ZDBF2: variants seen among roughly 807,000 people sequenced by gnomAD.
ZDBF2 encodes zinc finger DBF-type containing 2, also known as DBF4-type zinc finger-containing protein 2.
ZDBF2 carries 6 observed loss-of-function variants against 9.4 expected under a neutral mutation model. The observed-to-expected ratio is 0.64, with a 90% CI of 0.35 to 1.27. The LOEUF (loss-of-function observed/expected upper bound fraction) is 1.27. ZDBF2 is among the 50% of genes most tolerant of loss of function. ZDBF2 has a pLI of 0.03. For missense variants in ZDBF2, 2,697 were observed against 2,766.8 expected, an observed-to-expected ratio of 0.97 and a Z score of 0.57; for synonymous variants, 905 against 946.3, an observed-to-expected ratio of 0.96 and a Z score of 0.80.
intron 2 of ZDBF2, among the ~76,000 whole-genome samples, chr2:206,281,437 A>G (rs1691312236): frequency 6.6e-6 from 1 of 152,230 alleles, no homozygotes; most frequent in Non-Finnish European, 1.5e-5. Context: ...TGATGGGGAA[A>G]TTAATGAGCT....
At chr2:206,293,789 G>A (rs1423750797) in intron 3 of ZDBF2, among the ~76,000 whole-genome samples, 3 of 152,152 alleles carry the variant, frequency 2.0e-5, no homozygotes, top group Admixed American at 6.5e-5. Flanking sequence ...GAATACTGCT[G>A]GTAGGGAATA....
chr2:206,310,520 A>T lies in ZDBF2; in HGVS notation c.5992A>T (p.Lys1998Ter). 1 of 1,613,358 alleles carries T rather than the reference A, an allele frequency of 6.2e-7. No homozygotes were observed. The highest frequency in any genetic ancestry group is 1.7e-4 in the Middle Eastern group (1 of 6,060). Residue 1998 changes from lysine to a stop codon, truncating the protein, a stop_gained, in exon 5 of 5, where the codon AAA (lysine) becomes TAA (stop). Coordinates refer to ENST00000374423, the MANE Select transcript of ZDBF2 (RefSeq NM_020923.3). LOFTEE classifies it low-confidence loss of function (END_TRUNC). ...GTVEFPASCTKVLKPMQPKAL... is the reference protein window; with the variant it reads ...GTVEFPASCT Reference sequence around the variant, plus strand: ...AGTTGAATTTCCTGCATCATGTACTAAAGTTTTGAAGCCTATGCAACCCAA... The same window carrying T: ...AGTTGAATTTCCTGCATCATGTACTTAAGTTTTGAAGCCTATGCAACCCAA...
Position 206,310,767 on chromosome 2 carries a change from A to C in ZDBF2, c.6239A>C (p.Lys2080Thr), listed in dbSNP as rs1199569248. The change falls in exon 5 of 5, where the codon AAA becomes ACA. Residue 2080 changes from lysine to threonine, a missense_variant. Physicochemically the swap from Lys to Thr is moderately conservative, Grantham distance 78 (BLOSUM62 -1). Coordinates refer to ENST00000374423, the MANE Select transcript of ZDBF2 (RefSeq NM_020923.3). ...VPEFERRNWV[K>T]IHFNRSNQNS... The stretch of plus-strand genomic sequence containing the variant: ...GAGTTTGAGAGGCGTAACTGGGTTA[A>C]AATTCATTTTAATAGGAGCAACCAA... The C allele has an allele frequency of 6.2e-7, 1 of 1,613,974 alleles. No individual in the cohort carries two copies. Among genetic ancestry groups the C allele is most frequent in the Non-Finnish European group, 8.5e-7 (1 of 1,179,896 alleles).
At position 206,312,731 on chromosome 2, in the gene ZDBF2, A is replaced by G. The variant is rs1169782201; in HGVS notation, c.*1138A>G. The G allele has an allele frequency of 6.6e-6, 1 of 152,174 alleles. No homozygotes were observed. Among genetic ancestry groups the G allele is most frequent in the Non-Finnish European group, 1.5e-5 (1 of 68,014 alleles). The allele number at this position is 152,174 out of a possible 1,614,324, so 9.4% of individuals were successfully genotyped here. A position where few individuals can be genotyped will look rare whatever the true frequency, so the allele number is the denominator to read the frequency against. Reference sequence around the variant, plus strand: ...GCCCAGCCTACCATATCAGTTTTTAATAACTTGAACTGAAATTATTGGCTT... The same window carrying G: ...GCCCAGCCTACCATATCAGTTTTTAGTAACTTGAACTGAAATTATTGGCTT... On this transcript the variant is annotated 3_prime_UTR_variant, in exon 5 of 5. Transcript: ENST00000374423.
At chr2:206,285,821 T>TG (rs1691571881) in intron 3 of ZDBF2, among the ~76,000 whole-genome samples, 1 of 152,202 alleles carries the variant, frequency 6.6e-6, no homozygotes, top group Admixed American at 6.5e-5. Context: ...AGTTGATTTT[T>TG]GTGTATGGTG....
At chr2:206,285,964 C>T (rs1691579906) in intron 3 of ZDBF2, among the ~76,000 whole-genome samples, 1 of 152,164 alleles carries the variant, frequency 6.6e-6, no homozygotes, top group Non-Finnish European at 1.5e-5. Context: ...GCTGCAAATA[C>T]ATAGATTTAT....
chr2:206,289,822 G>T (rs184221499), intron 3 of ZDBF2, among the ~76,000 whole-genome samples: 121 of 152,236 alleles, frequency 7.9e-4, no homozygotes, highest in African/African-American at 2.8e-3. Flanking sequence ...TGGTTGTTGG[G>T]ATCCTCTTGC....
In ZDBF2 at chr2:206,299,413, G is replaced by A. The variant is rs180714410; in HGVS notation, c.188+2040G>A. 5.9e-3 allele frequency among the ~76,000 whole-genome samples: 897 copies of A among 151,610 alleles called. 7 individuals carry two copies. The highest frequency in any genetic ancestry group is 0.014 in the Middle Eastern group (4 of 294). ...GGGCCAGGTGCGGTGGCTCACGCCT[G>A]TAATCCCAGCACTTTGGGAGGCCAA... On this transcript the variant is annotated intron_variant, in intron 4 of 4. Transcript: ENST00000374423.
intron 4 of ZDBF2, among the ~76,000 whole-genome samples, chr2:206,301,391 C>T (rs1348274150): frequency 4.6e-5 from 7 of 151,256 alleles, no homozygotes; most frequent in Non-Finnish European, 8.9e-5. Flanking sequence ...ATGCCTTTTT[C>T]TTCATGCCTT....
In ZDBF2 at chr2:206,311,279, A is replaced by G. The variant is rs777829318; in HGVS notation, c.6751A>G (p.Lys2251Glu). The G allele has an allele frequency of 2.5e-6, 4 of 1,609,300 alleles. No individual in the cohort carries two copies. The African/African-American group carries it at 4.0e-5, about 16-fold the overall frequency. ...CGCTTTTCTTGGAAGGTATCTGAAG[A>G]AGAAAAAATCTGTTGTCAGTAGGCT... ...RSAFLGRYLK[K>E]KKSVVSRLKK... Residue 2251 changes from lysine (K) to glutamate (E), a missense_variant, in exon 5 of 5, where the codon AAG (lysine) becomes GAG (glutamate). This residue lies in a region of ZDBF2 where 1,783 missense variants were observed against 1,776.5 expected (regional missense o/e 1.00). Coordinates refer to ENST00000374423, the MANE Select transcript of ZDBF2 (RefSeq NM_020923.3).
chr2:206,306,416 G>GTC lies in ZDBF2; in HGVS notation c.1891_1892dup (p.Leu632HisfsTer16). On this transcript the variant is annotated frameshift_variant, in exon 5 of 5. Transcript: ENST00000374423. LOFTEE classifies it low-confidence loss of function (END_TRUNC). ...TGCTAAAGCACATCTTGATTGTGAT[G>GTC]TCTCACTTGGGACAGTTGCAGATGA... 6.2e-7 allele frequency: 1 copy of GTC among 1,613,836 alleles called. No individual in the cohort carries two copies. The highest frequency in any genetic ancestry group is 2.2e-5 in the East Asian group (1 of 44,876).
intron 3 of ZDBF2, among the ~76,000 whole-genome samples, chr2:206,290,475 C>G (rs1691830898): frequency 6.6e-6 from 1 of 152,202 alleles, no homozygotes; most frequent in Admixed American, 6.5e-5. Flanking sequence ...TCTTCCAATC[C>G]ATGAATAGAG....
Position 206,309,841 on chromosome 2 carries a change from C to G in ZDBF2, c.5313C>G (p.His1771Gln), listed in dbSNP as rs200714906. Residue 1771 changes from histidine (H) to glutamine (Q), a missense_variant, in exon 5 of 5, where the codon CAC becomes CAG. By Grantham distance (24) the His-to-Gln change is conservative (BLOSUM62 0). Around this residue, in one of 3 missense-constraint regions of ZDBF2, gnomAD observed 1,783 missense variants for 1,776.5 expected, o/e 1.00. Transcript: ENST00000374423. ...DQPQETVKKR[H>Q]PCKKVSSDLK... Reference sequence around the variant, plus strand: ...CTCAAGAAACTGTTAAGAAAAGACACCCTTGTAAGAAGGTATCTTCTGACT... The same window carrying G: ...CTCAAGAAACTGTTAAGAAAAGACAGCCTTGTAAGAAGGTATCTTCTGACT... 2 of 1,613,726 alleles carry G rather than the reference C, an allele frequency of 1.2e-6. No homozygotes were observed. The highest frequency in any genetic ancestry group is 1.3e-5 in the African/African-American group (1 of 74,884).
Position 206,290,145 on chromosome 2 carries a change from T to G in ZDBF2, c.61-7101T>G, listed in dbSNP as rs188602839. 1.2e-4 allele frequency among the ~76,000 whole-genome samples: 19 copies of G among 152,368 alleles called. No individual in the cohort carries two copies. The East Asian group carries it at 3.7e-3, about 29-fold the overall frequency. Reference sequence around the variant, plus strand: ...CATTCAATTGCCTTGACATCCTTGTTGAAAATCAGTTGACCATAAATATAA... The same window carrying G: ...CATTCAATTGCCTTGACATCCTTGTGGAAAATCAGTTGACCATAAATATAA... On this transcript the variant is annotated intron_variant, in intron 3 of 4. Coordinates refer to ENST00000374423, the MANE Select transcript of ZDBF2 (RefSeq NM_020923.3).
chr2:206,279,493 A>G (rs1691201047), intron 1 of ZDBF2, 47 bp from the exon 2 acceptor site: 2 of 152,176 alleles, frequency 1.3e-5, no homozygotes, highest in Admixed American at 1.3e-4. Context: ...TCAATGGTAG[A>G]CACTTATGGG....
At chr2:206,292,565 A>T (rs754106690) in intron 3 of ZDBF2, among the ~76,000 whole-genome samples, 1 of 152,174 alleles carries the variant, frequency 6.6e-6, no homozygotes, top group Admixed American at 6.5e-5. Flanking sequence ...AATAAAAATG[A>T]TAAAGATTGG....
chr2:206,308,777 C>T lies in ZDBF2; in HGVS notation c.4249C>T (p.Pro1417Ser). 1 of 1,613,752 alleles carries T rather than the reference C, an allele frequency of 6.2e-7. No homozygotes were observed. Among genetic ancestry groups the T allele is most frequent in the South Asian group, 1.1e-5 (1 of 91,042 alleles). Residue 1417 changes from proline (P) to serine (S), a missense_variant, in exon 5 of 5, where the codon CCT becomes TCT. Around this residue, in one of 3 missense-constraint regions of ZDBF2, gnomAD observed 1,783 missense variants for 1,776.5 expected, o/e 1.00. Transcript: ENST00000374423. ...DFDVSYASHI[P>S]VQFVTDQSSV... ...TGATGTAAGTTATGCTTCTCATATT[C>T]CTGTTCAGTTTGTGACTGATCAATC...
At chr2:206,301,709 T>G (rs1692509689) in intron 4 of ZDBF2, among the ~76,000 whole-genome samples, 1 of 152,126 alleles carries the variant, frequency 6.6e-6, no homozygotes, top group Non-Finnish European at 1.5e-5. Context: ...GTCTAGACAT[T>G]GTAAATTTTT....
rs1692974581 is a variant in ZDBF2 at position 206,308,873 on chromosome 2, G to T, written c.4345G>T (p.Val1449Phe). 1 of 1,612,908 alleles carries T rather than the reference G, an allele frequency of 6.2e-7. No homozygotes were observed. Among genetic ancestry groups the T allele is most frequent in the African/African-American group, 1.3e-5 (1 of 74,990 alleles). ...HNDLENKNCE[V>F]CGSEIKCHSC... ...TGATCTAGAAAATAAGAACTGTGAA[G>T]TCTGTGGTTCTGAAATAAAATGTCA... is the stretch of plus-strand genomic sequence containing the variant. The change falls in exon 5 of 5, where the codon GTC becomes TTC. Residue 1449 changes from valine to phenylalanine, a missense_variant. Around this residue, in one of 3 missense-constraint regions of ZDBF2, gnomAD observed 1,783 missense variants for 1,776.5 expected, o/e 1.00. Coordinates refer to ENST00000374423, the MANE Select transcript of ZDBF2 (RefSeq NM_020923.3).
Sources: gnomAD v4.1 joint callset for allele counts (sites outside exome capture counted in the v4.1 genomes callset) on GRCh38, gnomAD v4.1.1 for gene constraint, gnomAD v4.1.1 regional missense constraint, MANE v1.5 for transcripts, NCBI Gene and HGNC (gene_info 2026-07-23, HGNC 2026-07-21) for gene names.